The following STRN variants were observed in gnomAD, a reference collection of about 807,000 sequenced individuals.
The protein encoded by STRN is striatin, also known as protein phosphatase 2 regulatory subunit B'''alpha.
STRN carries 53 observed loss-of-function variants against 96.3 expected under a neutral mutation model. The observed-to-expected ratio is 0.55, with a 90% confidence interval of 0.44 to 0.69. The LOEUF (loss-of-function observed/expected upper bound fraction) is 0.69, where lower values mean the gene tolerates loss of function less well. STRN is among the 30% of genes least tolerant of loss of function. The probability of loss-of-function intolerance (pLI) is 0.00; values close to 1 mark genes in which losing one functional copy is unlikely to be tolerated. For missense variants in STRN, 987 were observed against 963.9 expected (o/e 1.02, Z -0.32); for synonymous variants, 428 against 355.9 (o/e 1.20, Z -2.28).
At chr2:36,950,598 A>C (rs1664731563) in intron 1 of STRN, among the ~76,000 whole-genome samples, 1 of 152,184 alleles carries the variant, frequency 6.6e-6, no homozygotes, top group East Asian at 1.9e-4. Context: ...CTGCTTGATT[A>C]TATGCCCCAT....
Position 36,858,104 on chromosome 2 carries a change from A to G in STRN, c.1670-81T>C, listed in dbSNP as rs1053321089. On this transcript the variant is annotated intron_variant, in intron 13 of 17. Coordinates refer to ENST00000263918, the MANE Select transcript of STRN (RefSeq NM_003162.4). ...AGATTTCAGAGAAAGTAAAATATATAAACAATAGCACCTGATAACAGTATA... is the reference window on the plus strand; with the variant it reads ...AGATTTCAGAGAAAGTAAAATATATGAACAATAGCACCTGATAACAGTATA... The G allele has an allele frequency of 3.5e-6, 4 of 1,154,534 alleles. No individual in the cohort carries two copies. The Admixed American group carries it at 7.3e-5, about 21-fold the overall frequency. 71.5% of individuals were successfully genotyped at this position (1,154,534 alleles called of 1,614,324 possible).
intron 6 of STRN, among the ~76,000 whole-genome samples, chr2:36,898,769 A>C (rs554534213): frequency 7.6e-4 from 116 of 152,300 alleles, no homozygotes; most frequent in African/African-American, 2.7e-3. Context: ...CCTCCTCTCT[A>C]TTCATAAATT....
intron 2 of STRN, among the ~76,000 whole-genome samples, chr2:36,917,055 A>T (rs564970243): frequency 0.011 from 1,646 of 150,216 alleles, 25 homozygotes; most frequent in Middle Eastern, 0.024. Flanking sequence ...AAAAAAATAA[A>T]AAATAAAAAT....
intron 10 of STRN, among the ~76,000 whole-genome samples, chr2:36,876,306 A>G (rs1558633022): frequency 6.6e-6 from 1 of 151,366 alleles, no homozygotes; most frequent in South Asian, 2.1e-4. Context: ...GTAAATCTGT[A>G]TCATATTTGT....
chr2:36,933,432 G>C (rs1329296699), intron 1 of STRN, among the ~76,000 whole-genome samples: 2 of 152,166 alleles, frequency 1.3e-5, no homozygotes, highest in African/African-American at 4.8e-5. Context: ...GAAGAAAAGA[G>C]AGAATAAGAT....
At chr2:36,876,975 C>A (rs1668931391) in intron 10 of STRN, among the ~76,000 whole-genome samples, 1 of 152,096 alleles carries the variant, frequency 6.6e-6, no homozygotes, top group Non-Finnish European at 1.5e-5. Context: ...GTCCCGATCT[C>A]CTGACCTCGT....
At chr2:36,945,538 G>A (rs1386631007) in intron 1 of STRN, among the ~76,000 whole-genome samples, 2 of 152,086 alleles carry the variant, frequency 1.3e-5, no homozygotes, top group Non-Finnish European at 2.9e-5. Flanking sequence ...GTGGTGGCAT[G>A]CATCTGTAAT....
Position 36,855,501 on chromosome 2 carries a change from T to C in STRN, c.1838-149A>G, listed in dbSNP as rs539600485. 7.4e-5 allele frequency: 57 copies of C among 768,342 alleles called. No individual in the cohort carries two copies. In the South Asian group the frequency reaches 1.2e-3, roughly 16 times the overall value. 47.6% of individuals were successfully genotyped at this position (768,342 alleles called of 1,614,324 possible). Reference sequence around the variant, plus strand: ...TAAGAATTAGCTCATAACTATTCATTGGAGATTATTTCTTTGTAACTTTTA... The same window carrying C: ...TAAGAATTAGCTCATAACTATTCATCGGAGATTATTTCTTTGTAACTTTTA... On this transcript the variant is annotated intron_variant, in intron 14 of 17. Transcript: ENST00000263918.
At chr2:36,951,826 C>T (rs1372895210) in intron 1 of STRN, among the ~76,000 whole-genome samples, 4 of 152,204 alleles carry the variant, frequency 2.6e-5, no homozygotes, top group Admixed American at 6.5e-5. Context: ...GATATGGGTC[C>T]ATGGCCTGTT....
At chr2:36,921,004 G>A (rs1279224586) in intron 2 of STRN, among the ~76,000 whole-genome samples, 1 of 151,922 alleles carries the variant, frequency 6.6e-6, no homozygotes. Flanking sequence ...GAACCCAGGA[G>A]GCAGAGGCTG....
At chr2:36,881,684 G>GT (rs1260166016) in intron 9 of STRN, among the ~76,000 whole-genome samples, 1 of 152,126 alleles carries the variant, frequency 6.6e-6, no homozygotes, top group African/African-American at 2.4e-5. Context: ...TCCTCACTAT[G>GT]TTTTTTATCA....
chr2:36,867,932 A>ATGC, intron 11 of STRN, 71 bp from the exon 12 acceptor site: 1 of 1,257,154 alleles, frequency 8.0e-7, no homozygotes, highest in Non-Finnish European at 1.1e-6. Context: ...ATGTCATAAA[A>ATGC]TTGTCTTTAA....
At chr2:36,957,036 C>T (rs1262447675) in intron 1 of STRN, among the ~76,000 whole-genome samples, 1 of 152,148 alleles carries the variant, frequency 6.6e-6, no homozygotes, top group Admixed American at 6.5e-5. Flanking sequence ...GGTAAAGGAA[C>T]AAAAAGCCAT....
At chr2:36,920,803 G>A (rs750928663) in intron 2 of STRN, among the ~76,000 whole-genome samples, 8 of 152,118 alleles carry the variant, frequency 5.3e-5, no homozygotes, top group Non-Finnish European at 7.4e-5. Flanking sequence ...TCTGCCAGGC[G>A]CGGTGGCTCA....
chr2:36,870,216 C>T (rs762731935), intron 10 of STRN, among the ~76,000 whole-genome samples: 5 of 146,384 alleles, frequency 3.4e-5, no homozygotes, highest in South Asian at 2.2e-4. Context: ...TGTTAAAAAT[C>T]GAAGAGATAA....
chr2:36,958,473 G>A (rs1664948465), intron 1 of STRN, among the ~76,000 whole-genome samples: 1 of 152,154 alleles, frequency 6.6e-6, no homozygotes, highest in Non-Finnish European at 1.5e-5. Flanking sequence ...GAGCAGATTT[G>A]AAAAGAAACC....
chr2:36,869,361 A>AT (rs1387581205), intron 11 of STRN, among the ~76,000 whole-genome samples, 193 bp downstream of exon 11: 1 of 152,212 alleles, frequency 6.6e-6, no homozygotes. Context: ...AGATAATACC[A>AT]TATCTTCCTA....
At chr2:36,879,668 C>T (rs1437645995) in intron 9 of STRN, among the ~76,000 whole-genome samples, 1 of 152,148 alleles carries the variant, frequency 6.6e-6, no homozygotes, top group Non-Finnish European at 1.5e-5. Context: ...TTACATATGA[C>T]AAACATTTGT....
intron 9 of STRN, 123 bp downstream of exon 9, chr2:36,883,809 A>C: frequency 1.0e-6 from 1 of 963,664 alleles, no homozygotes; most frequent in Non-Finnish European, 1.4e-6. Flanking sequence ...ATTTGGGGAA[A>C]ACTATGCAGA....
Sources: gnomAD v4.1 joint callset for allele counts (sites outside exome capture counted in the v4.1 genomes callset) on GRCh38, gnomAD v4.1.1 for gene constraint, MANE v1.5 for transcripts, NCBI Gene and HGNC (gene_info 2026-07-23, HGNC 2026-07-21) for gene names.